The following TOPAZ1 variants were observed in gnomAD, a reference collection of about 807,000 sequenced individuals.
TOPAZ1 encodes testis and ovary specific TOPAZ 1.
A neutral mutation model predicts 172.2 loss-of-function variants in TOPAZ1; 66 were observed. The observed-to-expected ratio is 0.38, with a 90% CI of 0.31 to 0.47. The LOEUF is 0.47. TOPAZ1 is among the 20% of genes least tolerant of loss of function. TOPAZ1 has a pLI of 0.99. For synonymous variants in TOPAZ1, 681 were observed against 683.9 expected, an observed-to-expected ratio of 1.00 and a Z score of 0.07; for missense variants, 1,822 against 1,972.4, an observed-to-expected ratio of 0.92 and a Z score of 1.44.
At chr3:44,250,256 A>C (rs1426957656) in intron 2 of TOPAZ1, among the ~76,000 whole-genome samples, 1 of 151,440 alleles carries the variant, frequency 6.6e-6, no homozygotes, top group Non-Finnish European at 1.5e-5. Flanking sequence ...AAAAAAAAAA[A>C]AAAAACAGGT....
chr3:44,272,121 C>T (rs1699905542), intron 8 of TOPAZ1, among the ~76,000 whole-genome samples: 1 of 152,000 alleles, frequency 6.6e-6, no homozygotes, highest in Non-Finnish European at 1.5e-5. Flanking sequence ...GTATATATAC[C>T]ACATTTGCTT....
In TOPAZ1 at chr3:44,242,693, T is replaced by C. The variant is rs180850101; in HGVS notation, c.347-160T>C. 5.9e-5 allele frequency among the ~76,000 whole-genome samples: 9 copies of C among 152,342 alleles called. No homozygotes were observed. The East Asian group carries it at 1.7e-3, about 29-fold the overall frequency. On this transcript the variant is annotated intron_variant, in intron 1 of 19. Coordinates refer to ENST00000309765, the MANE Select transcript of TOPAZ1 (RefSeq NM_001145030.2). ...TTTATACAGGTTTATATGTAATTCC[T>C]TAACAGAAATTAAGGCTTTCATTTA...
chr3:44,281,871 A>C, intron 8 of TOPAZ1, 97 bp from the exon 9 acceptor site: 2 of 730,292 alleles, frequency 2.7e-6, no homozygotes, highest in Non-Finnish European at 4.4e-6. Context: ...AGATCATTTA[A>C]AAATTTCAAT....
chr3:44,244,424 A>C lies in TOPAZ1; in HGVS notation c.1918A>C (p.Asn640His), dbSNP rs1216799585. 6.4e-7 allele frequency: 1 copy of C among 1,551,338 alleles called. No individual in the cohort carries two copies. The highest frequency in any genetic ancestry group is 2.0e-5 in the Admixed American group (1 of 50,956). The change falls in exon 2 of 20, where the codon AAT (asparagine) becomes CAT (histidine). Residue 640 changes from asparagine (N) to histidine (H), a missense_variant. By Grantham distance (68) the Asn-to-His change is moderately conservative (BLOSUM62 1). Around this residue, in one of 2 missense-constraint regions of TOPAZ1, gnomAD observed 1,489 missense variants for 1,490.8 expected, o/e 1.00. Transcript: ENST00000309765. The stretch of plus-strand genomic sequence containing the variant: ...AGCTAGAGGAAATTTAACGAAACTT[A>C]ATTTGACAGCGACTTCCAAAGATGG... ...KKARGNLTKL[N>H]LTATSKDGQE...
chr3:44,276,877 G>A (rs191881927), intron 8 of TOPAZ1, among the ~76,000 whole-genome samples: 165 of 151,476 alleles, frequency 1.1e-3, no homozygotes, highest in African/African-American at 3.5e-3. Flanking sequence ...TGCACCCTCC[G>A]CCTCCTGGGT....
At chr3:44,246,548 A>G (rs1699569066) in intron 2 of TOPAZ1, among the ~76,000 whole-genome samples, 1 of 152,150 alleles carries the variant, frequency 6.6e-6, no homozygotes, top group African/African-American at 2.4e-5. Flanking sequence ...CAAGAGTTTT[A>G]TTGATTTTTT....
chr3:44,256,710 A>G (rs1454345438), intron 4 of TOPAZ1, among the ~76,000 whole-genome samples: 3 of 152,084 alleles, frequency 2.0e-5, no homozygotes, highest in African/African-American at 7.2e-5. Context: ...GGGATTATAT[A>G]TTTATCCTTC....
At position 44,242,960 on chromosome 3, in the gene TOPAZ1, G is replaced by A; in HGVS notation, c.454G>A (p.Glu152Lys). ...LTSSESFQTV[E>K]CLQSLGKESI... The stretch of plus-strand genomic sequence containing the variant: ...CAGTTCGGAATCTTTCCAAACAGTG[G>A]AATGCTTGCAGTCTTTGGGTAAGGA... The change falls in exon 2 of 20, where the codon GAA (glutamate) becomes AAA (lysine). Residue 152 changes from glutamate (E) to lysine (K), a missense_variant. Transcript: ENST00000309765. 3.9e-6 allele frequency: 6 copies of A among 1,550,834 alleles called. No homozygotes were observed. Among genetic ancestry groups the A allele is most frequent in the Non-Finnish European group, 5.2e-6 (6 of 1,146,778 alleles).
In TOPAZ1 at chr3:44,323,312, A is replaced by G; in HGVS notation, c.4675+17A>G. Reference sequence around the variant, plus strand: ...ACTACAAAAGTAAGTTACATTTAAAATGTTTTAATATATTGGTTTATAATT... The same window carrying G: ...ACTACAAAAGTAAGTTACATTTAAAGTGTTTTAATATATTGGTTTATAATT... On this transcript the variant is annotated intron_variant, in intron 18 of 19. Coordinates refer to ENST00000309765, the MANE Select transcript of TOPAZ1 (RefSeq NM_001145030.2). 8 of 1,473,902 alleles carry G rather than the reference A, an allele frequency of 5.4e-6. No individual in the cohort carries two copies. The highest frequency in any genetic ancestry group is 7.3e-6 in the Non-Finnish European group (8 of 1,091,760). 91.3% of individuals were successfully genotyped at this position (1,473,902 alleles called of 1,614,324 possible).
At chr3:44,266,921 T>C (rs1029828475) in intron 5 of TOPAZ1, 76 bp from the exon 6 acceptor site, 15 of 1,091,168 alleles carry the variant, frequency 1.4e-5, no homozygotes, top group African/African-American at 1.6e-5. Flanking sequence ...AAAAGAAATA[T>C]CTGATATCTG....
At position 44,244,499 on chromosome 3, in the gene TOPAZ1, A is replaced by G; in HGVS notation, c.1993A>G (p.Ile665Val). 1 of 1,551,672 alleles carries G rather than the reference A, an allele frequency of 6.4e-7. No homozygotes were observed. Among genetic ancestry groups the G allele is most frequent in the Non-Finnish European group, 8.7e-7 (1 of 1,146,968 alleles). The change falls in exon 2 of 20, where the codon ATT becomes GTT. Residue 665 changes from isoleucine (I) to valine (V), a missense_variant. Ile to Val is a conservative substitution (Grantham distance 29). Coordinates refer to ENST00000309765, the MANE Select transcript of TOPAZ1 (RefSeq NM_001145030.2). ...CAAAACTATTCATCGAAAAGCATGC[A>G]TTGCTCAACAAACATTTATAGTTCC... ...AGKTIHRKAC[I>V]AQQTFIVPDL...
chr3:44,274,561 A>ATTT (rs34971677), intron 8 of TOPAZ1, among the ~76,000 whole-genome samples: 2 of 144,408 alleles, frequency 1.4e-5, no homozygotes, highest in Non-Finnish European at 3.0e-5. Flanking sequence ...AAAGCCTTAA[A>ATTT]TTTTTTTTTT....
At chr3:44,264,762 T>C (rs954110818) in intron 5 of TOPAZ1, among the ~76,000 whole-genome samples, 1 of 152,234 alleles carries the variant, frequency 6.6e-6, no homozygotes, top group Admixed American at 6.5e-5. Flanking sequence ...TTGTGTGATA[T>C]TCTGAATACT....
intron 16 of TOPAZ1, among the ~76,000 whole-genome samples, chr3:44,317,136 C>A (rs2125703615): frequency 6.6e-6 from 1 of 152,170 alleles, no homozygotes; most frequent in South Asian, 2.1e-4. Flanking sequence ...AAATGTATAC[C>A]TTGGCTGGGC....
At chr3:44,265,534 C>T (rs1245600584) in intron 5 of TOPAZ1, among the ~76,000 whole-genome samples, 6 of 152,224 alleles carry the variant, frequency 3.9e-5, no homozygotes, top group East Asian at 1.9e-4. Context: ...CCAGCCTGGG[C>T]GACAGAGCAA....
At position 44,266,988 on chromosome 3, in the gene TOPAZ1, T is replaced by C. The variant is rs1372524523; in HGVS notation, c.3021-9T>C. 1 of 1,524,672 alleles carries C rather than the reference T, an allele frequency of 6.6e-7. No individual in the cohort carries two copies. The highest frequency in any genetic ancestry group is 8.8e-7 in the Non-Finnish European group (1 of 1,135,788). The allele number at this position is 1,524,672 out of a possible 1,614,324, so 94.4% of individuals were successfully genotyped here. On this transcript the variant is annotated splice_polypyrimidine_tract_variant and intron_variant, in intron 5 of 19. Coordinates refer to ENST00000309765, the MANE Select transcript of TOPAZ1 (RefSeq NM_001145030.2). ...TTAAATTCTGATGTTAATTTTTCCT[T>C]TCACACAGCAAAGATTCTAGAAATG...
At chr3:44,331,575 A>G (rs1039947477) in intron 19 of TOPAZ1, among the ~76,000 whole-genome samples, 3 of 152,036 alleles carry the variant, frequency 2.0e-5, no homozygotes, top group South Asian at 2.1e-4. Context: ...GATCCCCCCA[A>G]CCTGAGCGTC....
At chr3:44,256,107 T>C (rs1699700011) in intron 3 of TOPAZ1, 44 bp from the exon 4 acceptor site, 1 of 1,415,450 alleles carries the variant, frequency 7.1e-7, no homozygotes, top group Non-Finnish European at 9.4e-7. Context: ...AACTCAGTTA[T>C]TTTGTCTTTA....
At chr3:44,283,503 T>A (rs1700044480) in intron 9 of TOPAZ1, among the ~76,000 whole-genome samples, 1 of 152,246 alleles carries the variant, frequency 6.6e-6, no homozygotes, top group Non-Finnish European at 1.5e-5. Context: ...AGGAAGAAGC[T>A]GAGTCAGTGG....
Sources: allele counts gnomAD v4.1 joint callset (sites outside exome capture counted in the v4.1 genomes callset), GRCh38; gene constraint gnomAD v4.1.1; regional missense constraint gnomAD v4.1.1; transcripts MANE v1.5; gene names NCBI Gene and HGNC (gene_info 2026-07-23, HGNC 2026-07-21).